PPP1R37: variants seen among roughly 807,000 people sequenced by gnomAD.
PPP1R37 encodes the protein protein phosphatase 1 regulatory subunit 37, also known as leucine rich repeat containing 68.
PPP1R37 carries 21 observed loss-of-function variants against 61.0 expected under a neutral mutation model. The observed-to-expected ratio is 0.34, with a 90% confidence interval of 0.24 to 0.50. The LOEUF (loss-of-function observed/expected upper bound fraction) is 0.50. Among genes scored for constraint, PPP1R37 ranks in the 20% least tolerant of loss-of-function variants. The pLI, the probability that PPP1R37 is intolerant of heterozygous loss-of-function variation, is 0.98. For missense variants in PPP1R37, 910 were observed against 952.7 expected (o/e 0.96, Z 0.59); for synonymous variants, 443 against 433.5 (o/e 1.02, Z -0.27).
At chr19:45,132,065 C>T (rs1345629211) in intron 1 of PPP1R37, among the ~76,000 whole-genome samples, 3 of 152,142 alleles carry the variant, frequency 2.0e-5, no homozygotes, top group Non-Finnish European at 2.9e-5. Flanking sequence ...GTAGAAAATA[C>T]TCACACACCC....
At chr19:45,110,992 G>A (rs58503562) in intron 1 of PPP1R37, among the ~76,000 whole-genome samples, 1,651 of 152,184 alleles carry the variant, frequency 0.011, 35 homozygotes, top group African/African-American at 0.038. Context: ...CCCCTTTCCC[G>A]AGCCTGGCCC....
At chr19:45,136,955 GAGTCCAC>G (rs1213665663) in intron 1 of PPP1R37, 2 of 152,262 alleles carry the variant, frequency 1.3e-5, no homozygotes, top group East Asian at 1.9e-4. Context: ...GCAGGAGGAG[GAGTCCAC>G]ACGGAGATAT....
At chr19:45,129,159 C>G (rs1225936510) in intron 1 of PPP1R37, 1 of 368,708 alleles carries the variant, frequency 2.7e-6, no homozygotes, top group African/African-American at 2.2e-5. Context: ...GTTTTTCCCA[C>G]CCCTTCAATC....
chr19:45,104,398 C>T (rs1968103394), intron 1 of PPP1R37, among the ~76,000 whole-genome samples: 1 of 152,228 alleles, frequency 6.6e-6, no homozygotes, highest in Non-Finnish European at 1.5e-5. Context: ...CCGGGTGCCG[C>T]AAAGCCTTTG....
At position 45,145,840 on chromosome 19, in the gene PPP1R37, CTCCCT is replaced by C. The variant is rs1968689603; in HGVS notation, c.1785_1789del (p.Ser597ThrfsTer13). 1 of 1,460,650 alleles carries C rather than the reference CTCCCT, an allele frequency of 6.8e-7. No homozygotes were observed. The highest frequency in any genetic ancestry group is 9.1e-7 in the Non-Finnish European group (1 of 1,093,818). 90.5% of individuals were successfully genotyped at this position (1,460,650 alleles called of 1,614,324 possible). ...CCCACCCCTCCCTCTCCCCCACCCC[CTCCCT>C]CCCCACCCGCCTCACCTTCCCTACC... On this transcript the variant is annotated frameshift_variant, in exon 11 of 13. Coordinates refer to ENST00000221462, the MANE Select transcript of PPP1R37 (RefSeq NM_019121.2). LOFTEE classifies it high-confidence loss of function.
In PPP1R37 at chr19:45,124,789, G is replaced by A. The variant is rs955543173; in HGVS notation, c.203-13725G>A. The stretch of plus-strand genomic sequence containing the variant: ...CAACCTGTACAACATACTGAGACCC[G>A]GTCTCTACATAAAAAAAGAAAAAAA... On this transcript the variant is annotated intron_variant, in intron 1 of 12. Coordinates refer to ENST00000221462, the MANE Select transcript of PPP1R37 (RefSeq NM_019121.2). Among the ~76,000 whole-genome samples the A allele has an allele frequency of 3.1e-4, 44 of 143,792 alleles. 1 individual carries two copies. The highest frequency in any genetic ancestry group is 5.3e-4 in the Non-Finnish European group (35 of 66,474). 94.3% of individuals were successfully genotyped at this position (143,792 alleles called of 152,430 possible).
At chr19:45,135,146 G>A (rs906284746) in intron 1 of PPP1R37, among the ~76,000 whole-genome samples, 1 of 152,168 alleles carries the variant, frequency 6.6e-6, no homozygotes, top group Non-Finnish European at 1.5e-5. Flanking sequence ...AACTCGGGAG[G>A]CTGAGGCAGG....
At chr19:45,116,538 G>A (rs1264724660) in intron 1 of PPP1R37, among the ~76,000 whole-genome samples, 2 of 152,254 alleles carry the variant, frequency 1.3e-5, no homozygotes, top group Admixed American at 6.5e-5. Context: ...GGCCTGAGGA[G>A]GGCACGGGGG....
intron 1 of PPP1R37, among the ~76,000 whole-genome samples, chr19:45,120,252 T>G (rs1308670310): frequency 1.3e-5 from 2 of 151,996 alleles, no homozygotes; most frequent in Non-Finnish European, 2.9e-5. Flanking sequence ...CTCCTGACCT[T>G]GTGATCCGCC....
At chr19:45,094,636 G>C (rs1967968666) in intron 1 of PPP1R37, among the ~76,000 whole-genome samples, 1 of 152,086 alleles carries the variant, frequency 6.6e-6, no homozygotes, top group South Asian at 2.1e-4. Flanking sequence ...CTGAGGCAGG[G>C]AGAATCGTTT....
chr19:45,139,070 T>A lies in PPP1R37; in HGVS notation c.300+459T>A, dbSNP rs528229816. ...CTGGGATTACATGTGCACGCCACCA[T>A]GCCCAGCTAATTTTTTTTGTATTTT... On this transcript the variant is annotated intron_variant, in intron 2 of 12. Coordinates refer to ENST00000221462, the MANE Select transcript of PPP1R37 (RefSeq NM_019121.2). Among the ~76,000 whole-genome samples, 7 of 152,118 alleles carry A rather than the reference T, an allele frequency of 4.6e-5. No homozygotes were observed. In the South Asian group the frequency reaches 1.2e-3, roughly 27 times the overall value.
At position 45,145,853 on chromosome 19, in the gene PPP1R37, C is replaced by T. The variant is rs993476019; in HGVS notation, c.1797C>T (p.Pro599=). The part of the protein sequence containing the change: ...PPSPPPPPSP[P]ASPSLPPAGA... The stretch of plus-strand genomic sequence containing the variant: ...CTCCCCCACCCCCTCCCTCCCCACC[C>T]GCCTCACCTTCCCTACCACCAGCCG... Residue 599 remains proline, a synonymous_variant, in exon 11 of 13, where the codon CCC becomes CCT. Coordinates refer to ENST00000221462, the MANE Select transcript of PPP1R37 (RefSeq NM_019121.2). The T allele has an allele frequency of 2.6e-5, 40 of 1,521,524 alleles. No homozygotes were observed. The East Asian group carries it at 3.4e-4, about 13-fold the overall frequency. The allele number at this position is 1,521,524 out of a possible 1,614,324, so 94.3% of individuals were successfully genotyped here.
chr19:45,103,434 G>T (rs899748336), intron 1 of PPP1R37, among the ~76,000 whole-genome samples: 7 of 152,224 alleles, frequency 4.6e-5, no homozygotes, highest in Non-Finnish European at 1.0e-4. Context: ...CTAGCAAGCT[G>T]GCGCTTGGGA....
At chr19:45,101,630 A>C (rs1203060726) in intron 1 of PPP1R37, among the ~76,000 whole-genome samples, 1 of 152,230 alleles carries the variant, frequency 6.6e-6, no homozygotes, top group Non-Finnish European at 1.5e-5. Flanking sequence ...AGGTGGAAGG[A>C]TCACTTGAGT....
At chr19:45,115,508 G>A (rs1968254720) in intron 1 of PPP1R37, among the ~76,000 whole-genome samples, 1 of 152,124 alleles carries the variant, frequency 6.6e-6, no homozygotes, top group Admixed American at 6.6e-5. Context: ...TGAGGATTGT[G>A]GAGCCATAGA....
rs150623633 is a variant in PPP1R37 at position 45,123,757 on chromosome 19, T to C, written c.203-14757T>C. The stretch of plus-strand genomic sequence containing the variant: ...TCTGTGCAGGGAATGCTTTAGGGCA[T>C]GTTTTAGAATTTTAGAACGTGTTTC... On this transcript the variant is annotated intron_variant, in intron 1 of 12. Coordinates refer to ENST00000221462, the MANE Select transcript of PPP1R37 (RefSeq NM_019121.2). Among the ~76,000 whole-genome samples, 6 of 152,342 alleles carry C rather than the reference T, an allele frequency of 3.9e-5. No individual in the cohort carries two copies. In the East Asian group the frequency reaches 5.8e-4, roughly 15 times the overall value.
chr19:45,118,352 C>T (rs531457785), intron 1 of PPP1R37, among the ~76,000 whole-genome samples: 4 of 152,210 alleles, frequency 2.6e-5, no homozygotes, highest in Admixed American at 6.5e-5. Context: ...TGTGTGGCCA[C>T]GGAGCTGACT....
At chr19:45,144,809 C>T in intron 8 of PPP1R37, 45 bp from the exon 9 acceptor site, 1 of 1,474,010 alleles carries the variant, frequency 6.8e-7, no homozygotes, top group South Asian at 1.3e-5. Context: ...TGGGTCTCCT[C>T]CGCCATCACG....
chr19:45,097,962 C>T (rs1045085067), intron 1 of PPP1R37, among the ~76,000 whole-genome samples: 1 of 152,158 alleles, frequency 6.6e-6, no homozygotes, highest in African/African-American at 2.4e-5. Context: ...GCAGTGTGCT[C>T]TGTGGCCTCT....
Sources: allele counts gnomAD v4.1 joint callset (sites outside exome capture counted in the v4.1 genomes callset), GRCh38; gene constraint gnomAD v4.1.1; transcripts MANE v1.5; gene names NCBI Gene and HGNC (gene_info 2026-07-23, HGNC 2026-07-21).